KBTBD12: variants seen among roughly 807,000 people sequenced by gnomAD.
KBTBD12 encodes kelch repeat and BTB domain-containing protein 12.
KBTBD12 carries 53 observed loss-of-function variants against 58.7 expected under a neutral mutation model. That is an observed-to-expected ratio of 0.90 (90% confidence interval 0.72 to 1.14). The LOEUF (loss-of-function observed/expected upper bound fraction) is 1.14, where lower values mean the gene tolerates loss of function less well. KBTBD12 is among the 50% of genes most tolerant of loss of function. The pLI, the probability that KBTBD12 is intolerant of heterozygous loss-of-function variation, is 0.00. For synonymous variants in KBTBD12, 236 were observed against 259.8 expected, an observed-to-expected ratio of 0.91 and a Z score of 0.88; for missense variants, 704 against 751.3, an observed-to-expected ratio of 0.94 and a Z score of 0.74.
At chr3:127,931,101 C>G (rs754317293) in intron 4 of KBTBD12, among the ~76,000 whole-genome samples, 6 of 151,850 alleles carry the variant, frequency 4.0e-5, no homozygotes, top group Non-Finnish European at 7.4e-5. Flanking sequence ...TGATGGCTAA[C>G]AGGAAAAACA....
chr3:127,921,103 C>T (rs1436377387), intron 1 of KBTBD12, among the ~76,000 whole-genome samples: 1 of 151,944 alleles, frequency 6.6e-6, no homozygotes, highest in African/African-American at 2.4e-5. Context: ...TCACCTTTAC[C>T]AAGCCAGTTT....
intron 4 of KBTBD12, among the ~76,000 whole-genome samples, chr3:127,951,633 G>A (rs1218111699): frequency 6.6e-6 from 1 of 152,166 alleles, no homozygotes; most frequent in Non-Finnish European, 1.5e-5. Flanking sequence ...TTTCTCAGGA[G>A]CATGGGACTT....
At chr3:127,943,416 T>C (rs1445760406) in intron 4 of KBTBD12, among the ~76,000 whole-genome samples, 10 of 152,156 alleles carry the variant, frequency 6.6e-5, no homozygotes, top group Admixed American at 6.5e-4. Context: ...CATTTCCCTA[T>C]TGATTAGTGA....
chr3:127,974,364 C>T (rs984137631), intron 5 of KBTBD12, among the ~76,000 whole-genome samples: 1 of 152,192 alleles, frequency 6.6e-6, no homozygotes, highest in Admixed American at 6.5e-5. Flanking sequence ...TCCCAGGGGC[C>T]TCCATGATAC....
chr3:127,962,723 T>A (rs1278844790), intron 4 of KBTBD12, among the ~76,000 whole-genome samples: 1 of 152,158 alleles, frequency 6.6e-6, no homozygotes, highest in Non-Finnish European at 1.5e-5. Context: ...TTGGGAAAGA[T>A]CATGCAACTT....
chr3:127,970,490 G>A (rs753059565), intron 5 of KBTBD12, among the ~76,000 whole-genome samples: 7 of 152,272 alleles, frequency 4.6e-5, no homozygotes, highest in Admixed American at 2.6e-4. Context: ...AGCAGCATTC[G>A]TCTCAGCCAA....
intron 3 of KBTBD12, among the ~76,000 whole-genome samples, chr3:127,929,880 G>A (rs1939661871): frequency 6.6e-6 from 1 of 151,344 alleles, no homozygotes; most frequent in African/African-American, 2.4e-5. Flanking sequence ...TGTAATGAAT[G>A]TCTCACTGCT....
Position 127,930,199 on chromosome 3 carries a change from G to C in KBTBD12, c.1408G>C (p.Asp470His). ...ACTGTTGCAGTATGACCCCAGCCAA[G>C]ATCAATGGAGTGTGCGGGCACCCAT... ...NKLLQYDPSQ[D>H]QWSVRAPMKY... Residue 470 changes from aspartate to histidine, a missense_variant, in exon 4 of 6, where the codon GAT (aspartate) becomes CAT (histidine). Physicochemically the swap from Asp to His is moderately conservative, Grantham distance 81. Transcript: ENST00000405109. 1 of 1,607,622 alleles carries C rather than the reference G, an allele frequency of 6.2e-7. No homozygotes were observed. The highest frequency in any genetic ancestry group is 8.5e-7 in the Non-Finnish European group (1 of 1,176,742).
chr3:127,965,343 A>G (rs1406959129), intron 5 of KBTBD12, among the ~76,000 whole-genome samples: 1 of 152,234 alleles, frequency 6.6e-6, no homozygotes, highest in Non-Finnish European at 1.5e-5. Context: ...GGGACTTACT[A>G]TATGAGCTCT....
chr3:127,939,433 C>A (rs1408524204), intron 4 of KBTBD12, among the ~76,000 whole-genome samples: 5 of 151,922 alleles, frequency 3.3e-5, no homozygotes, highest in Non-Finnish European at 1.5e-5. Context: ...GAGGGTTTTT[C>A]AATGTATTTA....
chr3:127,925,607 T>C (rs1939552248), intron 2 of KBTBD12, among the ~76,000 whole-genome samples: 1 of 152,184 alleles, frequency 6.6e-6, no homozygotes, highest in South Asian at 2.1e-4. Context: ...ACAGCAAATG[T>C]CTAACTATAT....
At chr3:127,958,913 CA>C (rs1940373006) in intron 4 of KBTBD12, among the ~76,000 whole-genome samples, 1 of 152,178 alleles carries the variant, frequency 6.6e-6, no homozygotes, top group Non-Finnish European at 1.5e-5. Context: ...TGAGCCCAGG[CA>C]CCCTATTGAT....
chr3:127,977,076 A>G (rs1940796771), intron 5 of KBTBD12, among the ~76,000 whole-genome samples: 1 of 152,162 alleles, frequency 6.6e-6, no homozygotes, highest in Non-Finnish European at 1.5e-5. Context: ...TCCCACTTAT[A>G]AGTGAGAATA....
chr3:127,962,475 C>G (rs962156083), intron 4 of KBTBD12, among the ~76,000 whole-genome samples: 4 of 152,132 alleles, frequency 2.6e-5, no homozygotes, highest in Admixed American at 2.6e-4. Context: ...TCTTGATGTC[C>G]TCTACTTTAT....
chr3:127,970,607 A>G (rs557079368), intron 5 of KBTBD12, among the ~76,000 whole-genome samples: 1 of 152,356 alleles, frequency 6.6e-6, no homozygotes, highest in South Asian at 2.1e-4. Context: ...TTGGCAATAA[A>G]AAGGAATGAA....
chr3:127,946,446 G>A (rs1159036420), intron 4 of KBTBD12, among the ~76,000 whole-genome samples: 3 of 152,184 alleles, frequency 2.0e-5, no homozygotes, highest in Non-Finnish European at 2.9e-5. Flanking sequence ...TAATATGTCA[G>A]TCTATTTCAT....
chr3:127,936,713 G>A (rs943203242), intron 4 of KBTBD12, among the ~76,000 whole-genome samples: 2 of 152,064 alleles, frequency 1.3e-5, no homozygotes, highest in Non-Finnish European at 2.9e-5. Flanking sequence ...TACTCAAGGT[G>A]GGAAATCTAA....
chr3:127,954,261 TA>T (rs965180190), intron 4 of KBTBD12, among the ~76,000 whole-genome samples: 3 of 152,228 alleles, frequency 2.0e-5, no homozygotes, highest in African/African-American at 7.2e-5. Flanking sequence ...TAGAAAATAT[TA>T]ATGCCTTGTT....
intron 5 of KBTBD12, among the ~76,000 whole-genome samples, chr3:127,979,362 A>G (rs943475999): frequency 6.6e-6 from 1 of 152,346 alleles, no homozygotes; most frequent in African/African-American, 2.4e-5. Flanking sequence ...AAGAGTGAAC[A>G]CTTATATATA....
Sources: gnomAD v4.1 joint callset for allele counts (sites outside exome capture counted in the v4.1 genomes callset) on GRCh38, gnomAD v4.1.1 for gene constraint, MANE v1.5 for transcripts, NCBI Gene and HGNC (gene_info 2026-07-23, HGNC 2026-07-21) for gene names.